SH3KBP1: variants seen among roughly 807,000 people sequenced by gnomAD.
The protein encoded by SH3KBP1 is SH3 domain-containing kinase-binding protein 1.
SH3KBP1 carries 8 observed loss-of-function variants against 50.1 expected under a neutral mutation model. The ratio of observed to expected loss-of-function variants is 0.16; its 90% CI spans 0.09 to 0.29. The LOEUF (loss-of-function observed/expected upper bound fraction) is 0.29, where lower values mean the gene tolerates loss of function less well. Among genes scored for constraint, SH3KBP1 ranks in the 10% least tolerant of loss-of-function variants. The pLI is 1.00. For synonymous variants in SH3KBP1, 227 were observed against 218.6 expected, an observed-to-expected ratio of 1.04 and a Z score of -0.34; for missense variants, 377 against 535.2, an observed-to-expected ratio of 0.70 and a Z score of 2.92.
rs946835521 is a variant in SH3KBP1, at chrX:19,543,944, G to A, written c.1624-1751C>T. On this transcript the variant is annotated intron_variant, in intron 15 of 17. Transcript: ENST00000397821. ...AGAGTGGGACAGGATGTTGGGAGGC[G>A]GGGGCGATGAGCAGCAGGGCAGAAG... Among the ~76,000 whole-genome samples, 3 of 111,211 alleles carry A rather than the reference G, an allele frequency of 2.7e-5. No homozygotes were observed. The Admixed American group carries it at 2.9e-4, about 11-fold the overall frequency.
intron 12 of SH3KBP1, among the ~76,000 whole-genome samples, chrX:19,587,429 C>T (rs949244742): frequency 5.4e-5 from 6 of 110,675 alleles, no homozygotes; most frequent in Middle Eastern, 4.6e-3. Flanking sequence ...ACAATGTGAA[C>T]GTACTTAATG....
At position 19,535,455 on chromosome X, in the gene SH3KBP1, T is replaced by C. The variant is rs746672761; in HGVS notation, c.*962A>G. ...TTTATTTTTGCTTTAATAATGCATA[T>C]TCTGTTCACGCAAAAGGTGCAAAGG... On this transcript the variant is annotated 3_prime_UTR_variant, in exon 18 of 18. Transcript: ENST00000397821. 2 of 114,351 alleles carry C rather than the reference T, an allele frequency of 1.7e-5. No individual in the cohort carries two copies. Among genetic ancestry groups the C allele is most frequent in the South Asian group, 3.6e-4 (1 of 2,782 alleles). 9.4% of individuals were successfully genotyped at this position (114,351 alleles called of 1,213,427 possible). A position where few individuals can be genotyped will look rare whatever the true frequency, so the allele number is the denominator to read the frequency against.
chrX:19,646,830 T>C (rs750430724), intron 6 of SH3KBP1, among the ~76,000 whole-genome samples: 10 of 111,974 alleles, frequency 8.9e-5, no homozygotes, highest in Non-Finnish European at 1.9e-4. Flanking sequence ...GACATTTTTA[T>C]TTAGTGCCGC....
chrX:19,621,594 G>T (rs966653572), intron 8 of SH3KBP1, among the ~76,000 whole-genome samples: 44 of 103,622 alleles, frequency 4.2e-4, no homozygotes, highest in Non-Finnish European at 2.6e-4. Flanking sequence ...TTTTTGAATG[G>T]TTTTTAAAAA....
chrX:19,650,859 G>A (rs970671377), intron 6 of SH3KBP1, among the ~76,000 whole-genome samples: 1 of 111,362 alleles, frequency 9.0e-6, no homozygotes. Flanking sequence ...GCTGAGGGGT[G>A]CCCAACCATT....
intron 2 of SH3KBP1, among the ~76,000 whole-genome samples, chrX:19,804,137 A>C (rs1243357562): frequency 9.0e-6 from 1 of 111,561 alleles, no homozygotes; most frequent in Non-Finnish European, 1.9e-5. Flanking sequence ...GCGCCACCGC[A>C]CTCCAGCCTG....
intron 14 of SH3KBP1, among the ~76,000 whole-genome samples, chrX:19,548,825 A>AAGAGAG (rs61301072): frequency 0.39 from 39,855 of 101,972 alleles, 6,256 homozygotes; most frequent in East Asian, 0.8. Context: ...TATGGAAATA[A>AAGAGAG]AGAGAGAGAG....
chrX:19,534,459 T>A lies in SH3KBP1; in HGVS notation c.*1958A>T, dbSNP rs768925139. The A allele has an allele frequency of 8.3e-6, 1 of 120,193 alleles. No individual in the cohort carries two copies. The highest frequency in any genetic ancestry group is 9.3e-5 in the Admixed American group (1 of 10,741). 9.9% of individuals were successfully genotyped at this position (120,193 alleles called of 1,213,427 possible). A position where few individuals can be genotyped will look rare whatever the true frequency, so the allele number is the denominator to read the frequency against. On this transcript the variant is annotated 3_prime_UTR_variant, in exon 18 of 18. Coordinates refer to ENST00000397821, the MANE Select transcript of SH3KBP1 (RefSeq NM_031892.3). ...ATACACATTATATAAAACTATATAA[T>A]TAGGGATTTTCATAAGTAAATGAGA... is the stretch of plus-strand genomic sequence containing the variant.
chrX:19,639,435 T>C (rs771735092), intron 7 of SH3KBP1, among the ~76,000 whole-genome samples: 3 of 111,842 alleles, frequency 2.7e-5, no homozygotes, highest in Non-Finnish European at 5.6e-5. Flanking sequence ...TCGATGGTAC[T>C]TTCAGATGAG....
At chrX:19,833,468 G>T (rs1469040587) in intron 2 of SH3KBP1, among the ~76,000 whole-genome samples, 7 of 92,682 alleles carry the variant, frequency 7.6e-5, no homozygotes, top group Admixed American at 1.2e-4. Context: ...CCTTCCCAGG[G>T]TCCTCCTCCC....
chrX:19,564,570 C>A (rs933471077), intron 13 of SH3KBP1, among the ~76,000 whole-genome samples: 2 of 109,106 alleles, frequency 1.8e-5, no homozygotes, highest in Non-Finnish European at 3.8e-5. Context: ...CTCTCTCTCT[C>A]CCCCCCCTTC....
chrX:19,722,466 A>G (rs1333239660), intron 3 of SH3KBP1, among the ~76,000 whole-genome samples: 2 of 111,187 alleles, frequency 1.8e-5, no homozygotes, highest in Non-Finnish European at 3.8e-5. Flanking sequence ...AGAGGTCACT[A>G]GGGCTTCCAT....
intron 2 of SH3KBP1, among the ~76,000 whole-genome samples, chrX:19,788,276 AAAAAAAAAAC>A (rs1480823561): frequency 8.8e-5 from 9 of 102,809 alleles, no homozygotes; most frequent in South Asian, 8.0e-4. Context: ...CTCCAAAAAA[AAAAAAAAAAC>A]AAAAAAAAAA....
rs5955814 is a variant in SH3KBP1 at position 19,541,346 on chromosome X, C to T, written c.1892+579G>A. 3.6e-3 allele frequency among the ~76,000 whole-genome samples: 407 copies of T among 111,882 alleles called. 5 individuals are homozygous for T. The highest frequency in any genetic ancestry group is 0.028 in the Middle Eastern group (6 of 217). ...TGCTCCCTGAGGATTAGAGATGTGG[C>T]GAGAGTGTGTGTGCAGCCATGCAGG... On this transcript the variant is annotated intron_variant, in intron 16 of 17. Transcript: ENST00000397821.
At chrX:19,793,416 C>T (rs180804194) in intron 2 of SH3KBP1, among the ~76,000 whole-genome samples, 2 of 109,703 alleles carry the variant, frequency 1.8e-5, no homozygotes, top group Admixed American at 1.9e-4. Context: ...CCTGGATCTG[C>T]CTCTTTTCTA....
chrX:19,556,031 C>A (rs935024653), intron 13 of SH3KBP1, among the ~76,000 whole-genome samples: 1 of 112,097 alleles, frequency 8.9e-6, no homozygotes, highest in Non-Finnish European at 1.9e-5. Flanking sequence ...TCACTCCTGG[C>A]TTGCAGCGAG....
chrX:19,840,813 T>C (rs1430698023), intron 1 of SH3KBP1, among the ~76,000 whole-genome samples: 3 of 112,092 alleles, frequency 2.7e-5, no homozygotes, highest in Non-Finnish European at 3.8e-5. Context: ...CAAAATCCCA[T>C]ATTTAAAGAC....
Position 19,682,101 on chromosome X carries a change from A to T in SH3KBP1, c.726+1722T>A, listed in dbSNP as rs772636196. Among the ~76,000 whole-genome samples the T allele has an allele frequency of 9.0e-5, 10 of 110,669 alleles. No individual in the cohort carries two copies. The East Asian group carries it at 2.6e-3, about 28-fold the overall frequency. ...AGATGGGGAAAGCTGTGGGTAGAGC[A>T]GTTGGAGGAGGACGATGAGTTCAGG... On this transcript the variant is annotated intron_variant, in intron 6 of 17. Transcript: ENST00000397821.
chrX:19,837,870 A>G, intron 1 of SH3KBP1, among the ~76,000 whole-genome samples: 1 of 112,272 alleles, frequency 8.9e-6, no homozygotes, highest in Non-Finnish European at 1.9e-5. Flanking sequence ...TGATAAAATA[A>G]TGGAAGAGGA....
Sources: gnomAD v4.1 joint callset for allele counts (sites outside exome capture counted in the v4.1 genomes callset) on GRCh38, gnomAD v4.1.1 for gene constraint, MANE v1.5 for transcripts, NCBI Gene and HGNC (gene_info 2026-07-23, HGNC 2026-07-21) for gene names.